PKIB: variants seen among roughly 807,000 people sequenced by gnomAD.
PKIB encodes the protein cAMP-dependent protein kinase inhibitor beta.
A neutral mutation model predicts 4.5 loss-of-function variants in PKIB; 2 were observed. The ratio of observed to expected loss-of-function variants is 0.44; its 90% CI spans 0.18 to 1.39. The LOEUF is 1.39. Ranked by LOEUF, PKIB falls within the 40% of genes most tolerant of loss-of-function variation. PKIB has a pLI of 0.27. For synonymous variants in PKIB, 38 were observed against 36.0 expected, an observed-to-expected ratio of 1.06 and a Z score of -0.20; for missense variants, 94 against 92.6, an observed-to-expected ratio of 1.02 and a Z score of -0.06.
intron 2 of PKIB, among the ~76,000 whole-genome samples, chr6:122,552,650 T>G (rs1772711360): frequency 6.6e-6 from 1 of 152,100 alleles, no homozygotes. Context: ...AGTGCTGGGA[T>G]TACAGGCACG....
intron 2 of PKIB, among the ~76,000 whole-genome samples, chr6:122,521,249 G>C (rs540673554): frequency 6.6e-5 from 10 of 152,172 alleles, no homozygotes; most frequent in Non-Finnish European, 1.3e-4. Context: ...TGCAAGTTTG[G>C]CTTTGGGAAG....
At chr6:122,555,983 A>G (rs554739168) in intron 2 of PKIB, among the ~76,000 whole-genome samples, 11 of 152,320 alleles carry the variant, frequency 7.2e-5, no homozygotes, top group African/African-American at 2.6e-4. Context: ...CTTTTAAAGA[A>G]GAAGGATGAT....
intron 2 of PKIB, among the ~76,000 whole-genome samples, chr6:122,549,032 A>G (rs1252175834): frequency 3.9e-5 from 6 of 152,348 alleles, no homozygotes; most frequent in African/African-American, 1.4e-4. Context: ...ACCCATGGAA[A>G]GAAATAAACT....
chr6:122,699,284 A>AAAAAAT lies in PKIB; in HGVS notation c.-8-18502_-8-18501insAAAATA, dbSNP rs1554233479. Among the ~76,000 whole-genome samples the AAAAAAT allele has an allele frequency of 7.6e-3, 1,158 of 151,658 alleles. 10 individuals are homozygous for AAAAAAT. The highest frequency in any genetic ancestry group is 0.011 in the Non-Finnish European group (775 of 67,900). On this transcript the variant is annotated intron_variant, in intron 3 of 4. Transcript: ENST00000368452. ...AAAAAGAATTGCATTTGTGAACTAA[A>AAAAAAT]ATATATATATATATATTGTGTCTCA...
chr6:122,672,275 G>A (rs937751410), intron 2 of PKIB, among the ~76,000 whole-genome samples: 1 of 152,156 alleles, frequency 6.6e-6, no homozygotes, highest in African/African-American at 2.4e-5. Flanking sequence ...GAGCAGTTCT[G>A]CTTGCATCCA....
chr6:122,576,689 A>AAAAAAAAAAAAAT (rs1345822382), intron 2 of PKIB, among the ~76,000 whole-genome samples: 2 of 34,314 alleles, frequency 5.8e-5, no homozygotes, highest in Non-Finnish European at 9.3e-5. Context: ...AAAAAAAAAA[A>AAAAAAAAAAAAAT]ATATATATAT....
At chr6:122,670,370 G>T (rs1253037843) in intron 2 of PKIB, among the ~76,000 whole-genome samples, 1 of 152,126 alleles carries the variant, frequency 6.6e-6, no homozygotes, top group Non-Finnish European at 1.5e-5. Flanking sequence ...CAGTTTTATA[G>T]TCTGCACCCT....
intron 2 of PKIB, among the ~76,000 whole-genome samples, chr6:122,494,398 A>C (rs1469543702): frequency 6.6e-6 from 1 of 152,222 alleles, no homozygotes; most frequent in Non-Finnish European, 1.5e-5. Context: ...GGTGTTCAGA[A>C]GTATGTAGGG....
At chr6:122,587,959 C>T (rs939857371) in intron 3 of PKIB, among the ~76,000 whole-genome samples, 2 of 152,024 alleles carry the variant, frequency 1.3e-5, no homozygotes, top group African/African-American at 4.8e-5. Context: ...AAAATTTTCT[C>T]CCATTCTGTA....
At chr6:122,699,126 G>A (rs1183591041) in intron 3 of PKIB, among the ~76,000 whole-genome samples, 1 of 152,136 alleles carries the variant, frequency 6.6e-6, no homozygotes, top group African/African-American at 2.4e-5. Flanking sequence ...TAGCAAGGCT[G>A]CTGAGGTAGC....
chr6:122,636,010 T>A (rs1340015430), intron 2 of PKIB, among the ~76,000 whole-genome samples: 2 of 152,154 alleles, frequency 1.3e-5, no homozygotes, highest in Non-Finnish European at 2.9e-5. Flanking sequence ...TTCATTTTTC[T>A]TATATATGCT....
chr6:122,627,264 A>C (rs185826390), intron 1 of PKIB, among the ~76,000 whole-genome samples: 352 of 151,934 alleles, frequency 2.3e-3, no homozygotes, highest in African/African-American at 8.1e-3. Flanking sequence ...AAAGAAAAAA[A>C]AATCATCTCA....
At chr6:122,473,859 A>G (rs1775378322) in intron 1 of PKIB, among the ~76,000 whole-genome samples, 1 of 152,224 alleles carries the variant, frequency 6.6e-6, no homozygotes, top group Non-Finnish European at 1.5e-5. Context: ...CTAGCTGAGC[A>G]TGGTGGCTCA....
At chr6:122,475,704 C>T (rs550298346) in intron 1 of PKIB, among the ~76,000 whole-genome samples, 7 of 152,036 alleles carry the variant, frequency 4.6e-5, no homozygotes, top group South Asian at 2.1e-4. Flanking sequence ...GAGAATTGCT[C>T]GAACCTGGGA....
intron 3 of PKIB, among the ~76,000 whole-genome samples, chr6:122,705,564 C>CTTTTTT (rs142542177): frequency 7.9e-5 from 9 of 113,438 alleles, no homozygotes; most frequent in Admixed American, 3.0e-4. Flanking sequence ...GAAAGCGCAT[C>CTTTTTT]TTTTTTTTTT....
At chr6:122,551,956 T>G (rs373073173) in intron 2 of PKIB, among the ~76,000 whole-genome samples, 19 of 151,114 alleles carry the variant, frequency 1.3e-4, no homozygotes, top group African/African-American at 3.9e-4. Flanking sequence ...CCGTTTTTAG[T>G]CTTGGGCCAT....
intron 3 of PKIB, among the ~76,000 whole-genome samples, chr6:122,599,677 A>G (rs1190743797): frequency 6.6e-6 from 1 of 152,188 alleles, no homozygotes; most frequent in Non-Finnish European, 1.5e-5. Context: ...TATGGTCAAA[A>G]GTATTATGTA....
intron 3 of PKIB, among the ~76,000 whole-genome samples, chr6:122,703,941 T>TATATAG (rs1314978431): frequency 8.4e-4 from 76 of 90,766 alleles, no homozygotes; most frequent in Admixed American, 1.5e-3. Flanking sequence ...TATATATATA[T>TATATAG]AGAGAGAGAG....
intron 3 of PKIB, among the ~76,000 whole-genome samples, chr6:122,688,289 C>T (rs1257108551): frequency 6.6e-6 from 1 of 152,120 alleles, no homozygotes; most frequent in African/African-American, 2.4e-5. Flanking sequence ...ATACTCTCAT[C>T]CCAGGGATAA....
Sources: gnomAD v4.1 joint callset for allele counts (sites outside exome capture counted in the v4.1 genomes callset) on GRCh38, gnomAD v4.1.1 for gene constraint, MANE v1.5 for transcripts, NCBI Gene and HGNC (gene_info 2026-07-23, HGNC 2026-07-21) for gene names.